FASTKD2: variants seen among roughly 807,000 people sequenced by gnomAD.
The protein encoded by FASTKD2 is FAST kinase domains 2.
A neutral mutation model predicts 63.6 loss-of-function variants in FASTKD2; 51 were observed. That is an observed-to-expected ratio of 0.80 (90% CI 0.64 to 1.01). The LOEUF (loss-of-function observed/expected upper bound fraction) is 1.01, where lower values mean the gene tolerates loss of function less well. Among genes scored for constraint, FASTKD2 ranks in the 50% least tolerant of loss-of-function variants. The pLI, the probability that FASTKD2 is intolerant of heterozygous loss-of-function variation, is 0.00. For synonymous variants in FASTKD2, 284 were observed against 293.4 expected (o/e 0.97, Z 0.33); for missense variants, 786 against 831.1 (o/e 0.95, Z 0.67).
chr2:206,773,793 T>A (rs1260343691), intron 6 of FASTKD2, among the ~76,000 whole-genome samples: 1 of 152,124 alleles, frequency 6.6e-6, no homozygotes, highest in Non-Finnish European at 1.5e-5. Context: ...ATATAGAAAT[T>A]TTGGGGTTAT....
At position 206,794,900 on chromosome 2, in the gene FASTKD2, G is replaced by A. The variant is rs1690401385; in HGVS notation, c.*3098G>A. ...GAAGTTTCTGTAAGATAGAGATTTG[G>A]GGCATCTACTTGGAACTACCTATGA... On this transcript the variant is annotated 3_prime_UTR_variant, in exon 12 of 12. Coordinates refer to ENST00000402774, the MANE Select transcript of FASTKD2 (RefSeq NM_001136193.2). 6.6e-6 allele frequency among the ~76,000 whole-genome samples: 1 copy of A among 152,220 alleles called. No individual in the cohort carries two copies. Among genetic ancestry groups the A allele is most frequent in the East Asian group, 1.9e-4 (1 of 5,172 alleles).
intron 6 of FASTKD2, among the ~76,000 whole-genome samples, chr2:206,772,529 C>T (rs1689712002): frequency 6.6e-6 from 1 of 152,188 alleles, no homozygotes; most frequent in Non-Finnish European, 1.5e-5. Context: ...GATGGCTTGA[C>T]TTAATATTTT....
intron 7 of FASTKD2, among the ~76,000 whole-genome samples, chr2:206,783,782 TTGTC>T (rs1367737017): frequency 3.3e-5 from 5 of 152,172 alleles, no homozygotes; most frequent in Non-Finnish European, 7.4e-5. Flanking sequence ...TGTTGTCTTT[TTGTC>T]TGTCTATTCT....
Position 206,793,248 on chromosome 2 carries a change from A to AAC in FASTKD2, c.*1447_*1448insCA, listed in dbSNP as rs1553599726. ...AAAAAAAAAAAAAAAAAAAAAAAAA[A>AAC]AAATACAAAAACTATAGCAATATGA... On this transcript the variant is annotated 3_prime_UTR_variant, in exon 12 of 12. Transcript: ENST00000402774. Among the ~76,000 whole-genome samples the AAC allele has an allele frequency of 1.4e-3, 174 of 126,582 alleles. 7 individuals are homozygous for AAC. The highest frequency in any genetic ancestry group is 4.9e-3 in the South Asian group (18 of 3,660). The allele number at this position is 126,582 out of a possible 152,430, so 83.0% of individuals were successfully genotyped here.
At chr2:206,769,472 T>C (rs2105972304) in intron 2 of FASTKD2, among the ~76,000 whole-genome samples, 1 of 152,302 alleles carries the variant, frequency 6.6e-6, no homozygotes, top group Middle Eastern at 3.4e-3. Context: ...ACTTTCCAGA[T>C]TATGCCCACT....
rs1019469332 is a variant in FASTKD2, at chr2:206,794,164, G to T, written c.*2362G>T. Among the ~76,000 whole-genome samples the T allele has an allele frequency of 1.3e-5, 2 of 151,980 alleles. No individual in the cohort carries two copies. Among genetic ancestry groups the T allele is most frequent in the African/African-American group, 4.8e-5 (2 of 41,356 alleles). On this transcript the variant is annotated 3_prime_UTR_variant, in exon 12 of 12. Coordinates refer to ENST00000402774, the MANE Select transcript of FASTKD2 (RefSeq NM_001136193.2). ...TCTGTGAAACCACAATCAAGATAATGAATATATCTATCACCTCTAAAAGGT... is the reference window on the plus strand; with the variant it reads ...TCTGTGAAACCACAATCAAGATAATTAATATATCTATCACCTCTAAAAGGT...
At chr2:206,786,555 C>A in intron 7 of FASTKD2, 178 bp from the exon 8 acceptor site, 2 of 642,980 alleles carry the variant, frequency 3.1e-6, no homozygotes, top group Non-Finnish European at 2.8e-6. Flanking sequence ...TCGTGCAAGA[C>A]ATACAGCAAT....
At chr2:206,769,215 G>A (rs1030756497) in intron 2 of FASTKD2, among the ~76,000 whole-genome samples, 6 of 152,178 alleles carry the variant, frequency 3.9e-5, no homozygotes, top group Non-Finnish European at 8.8e-5. Flanking sequence ...AGATATGGAT[G>A]GAATGCTGTA....
At chr2:206,772,344 T>A in intron 6 of FASTKD2, 24 bp downstream of exon 6, 2 of 1,609,816 alleles carry the variant, frequency 1.2e-6, no homozygotes, top group Non-Finnish European at 1.7e-6. Context: ...CAATTTAGAA[T>A]AAGCCTCACA....
rs1299806027 is a variant in FASTKD2 at position 206,793,370 on chromosome 2, A to G, written c.*1568A>G. On this transcript the variant is annotated 3_prime_UTR_variant, in exon 12 of 12. Coordinates refer to ENST00000402774, the MANE Select transcript of FASTKD2 (RefSeq NM_001136193.2). ...TGATTATTTAATTGTTACTTCCCTC[A>G]TTTTATGGACGAGGAAGATAAGGCT... Among the ~76,000 whole-genome samples, 2 of 152,042 alleles carry G rather than the reference A, an allele frequency of 1.3e-5. No individual in the cohort carries two copies. Among genetic ancestry groups the G allele is most frequent in the African/African-American group, 2.4e-5 (1 of 41,388 alleles).
rs971847546 is a variant in FASTKD2 at position 206,778,159 on chromosome 2, C to G, written c.1427+3762C>G. Reference sequence around the variant, plus strand: ...ATTGTCTATTTTATTTATTTCTGTTCTAATCTTCATTATTTCCTTCTGCTA... The same window carrying G: ...ATTGTCTATTTTATTTATTTCTGTTGTAATCTTCATTATTTCCTTCTGCTA... On this transcript the variant is annotated intron_variant, in intron 7 of 11. Coordinates refer to ENST00000402774, the MANE Select transcript of FASTKD2 (RefSeq NM_001136193.2). Among the ~76,000 whole-genome samples the G allele has an allele frequency of 2.6e-5, 4 of 151,570 alleles. No individual in the cohort carries two copies. The East Asian group carries it at 5.8e-4, about 22-fold the overall frequency.
chr2:206,770,234 G>C (rs41272659), intron 3 of FASTKD2, 40 bp downstream of exon 3: 1 of 1,243,134 alleles, frequency 8.0e-7, no homozygotes, highest in Admixed American at 1.7e-5. Flanking sequence ...GGTTTTCTTT[G>C]TTCCTCATAT....
At chr2:206,771,698 G>A (rs1027818313) in intron 4 of FASTKD2, among the ~76,000 whole-genome samples, 196 bp from the exon 5 acceptor site, 6 of 150,474 alleles carry the variant, frequency 4.0e-5, no homozygotes, top group Non-Finnish European at 7.4e-5. Context: ...TTAGCCAGGC[G>A]TGGTGGTACA....
intron 1 of FASTKD2, among the ~76,000 whole-genome samples, chr2:206,766,386 G>A (rs1689472474): frequency 1.3e-5 from 2 of 151,012 alleles, no homozygotes; most frequent in Admixed American, 1.3e-4. Flanking sequence ...TACAGAGAAA[G>A]CTTTATGGAA....
Position 206,766,680 on chromosome 2 carries a change from G to C in FASTKD2, c.-14G>C, listed in dbSNP as rs2105969463. The C allele has an allele frequency of 6.2e-7, 1 of 1,612,378 alleles. No individual in the cohort carries two copies. Among genetic ancestry groups the C allele is most frequent in the East Asian group, 2.2e-5 (1 of 44,844 alleles). Reference sequence around the variant, plus strand: ...CACGTGTTCTTTTTCACTAGTAGAAGTGACGTTGGTTTCATGTTGACAACT... The same window carrying C: ...CACGTGTTCTTTTTCACTAGTAGAACTGACGTTGGTTTCATGTTGACAACT... On this transcript the variant is annotated 5_prime_UTR_variant, in exon 2 of 12. Coordinates refer to ENST00000402774, the MANE Select transcript of FASTKD2 (RefSeq NM_001136193.2).
In FASTKD2 at chr2:206,766,951, A is replaced by C; in HGVS notation, c.258A>C (p.Ser86=). Residue 86 remains serine, a synonymous_variant, in exon 2 of 12, where the codon TCA becomes TCC. Coordinates refer to ENST00000402774, the MANE Select transcript of FASTKD2 (RefSeq NM_001136193.2). ...YLFQDAFIFK[S]DVGFQTKGIS... is the part of the protein sequence containing the mutation. Reference sequence around the variant, plus strand: ...TTCAGGATGCATTCATTTTTAAATCAGATGTTGGCTTTCAAACAAAGGGCA... The same window carrying C: ...TTCAGGATGCATTCATTTTTAAATCCGATGTTGGCTTTCAAACAAAGGGCA... 2 of 1,605,520 alleles carry C rather than the reference A, an allele frequency of 1.2e-6. No individual in the cohort carries two copies. Among genetic ancestry groups the C allele is most frequent in the Non-Finnish European group, 1.7e-6 (2 of 1,174,334 alleles).
chr2:206,766,800 C>G lies in FASTKD2; in HGVS notation c.107C>G (p.Ser36Ter). ...CTTAGACAATTCAGTACATTAGTTT[C>G]AACAAGCAGAACTATGAGGCTATGT... ...WNLRQFSTLV[S>*]TSRTMRLCCL... The change falls in exon 2 of 12, where the codon TCA becomes TGA. Residue 36 changes from serine (S) to a stop codon, truncating the protein, a stop_gained. Coordinates refer to ENST00000402774, the MANE Select transcript of FASTKD2 (RefSeq NM_001136193.2). LOFTEE classifies it high-confidence loss of function. 6.2e-7 allele frequency: 1 copy of G among 1,613,164 alleles called. No homozygotes were observed. The highest frequency in any genetic ancestry group is 8.5e-7 in the Non-Finnish European group (1 of 1,179,466).
chr2:206,791,619 T>A (rs915517574), intron 11 of FASTKD2, 64 bp from the exon 12 acceptor site: 1 of 1,521,020 alleles, frequency 6.6e-7, no homozygotes, highest in Non-Finnish European at 9.1e-7. Flanking sequence ...TGTTTGGATC[T>A]CTAAACTAGC....
At chr2:206,785,592 G>A (rs564466670) in intron 7 of FASTKD2, among the ~76,000 whole-genome samples, 1 of 152,048 alleles carries the variant, frequency 6.6e-6, no homozygotes, top group African/African-American at 2.4e-5. Context: ...AAGACCAGAG[G>A]GGGGATCATT....
Sources: gnomAD v4.1 joint callset for allele counts (sites outside exome capture counted in the v4.1 genomes callset) on GRCh38, gnomAD v4.1.1 for gene constraint, MANE v1.5 for transcripts, NCBI Gene and HGNC (gene_info 2026-07-23, HGNC 2026-07-21) for gene names.